The following MLLT3 variants were observed in gnomAD, a reference collection of about 807,000 sequenced individuals.
MLLT3 encodes protein AF-9.
A neutral mutation model predicts 53.2 loss-of-function variants in MLLT3; 4 were observed. The ratio of observed to expected loss-of-function variants is 0.08; its 90% CI spans 0.04 to 0.17. The LOEUF is 0.17. MLLT3 is among the 10% of genes least tolerant of loss of function. MLLT3 has a pLI of 1.00. For synonymous variants in MLLT3, 283 were observed against 230.6 expected (o/e 1.23, Z -2.06); for missense variants, 569 against 684.0 (o/e 0.83, Z 1.87).
At chr9:20,557,770 A>G (rs1218122954) in intron 2 of MLLT3, among the ~76,000 whole-genome samples, 1 of 152,234 alleles carries the variant, frequency 6.6e-6, no homozygotes, top group Non-Finnish European at 1.5e-5. Context: ...ATTAGCGAGT[A>G]ATTCTACCCT....
intron 2 of MLLT3, among the ~76,000 whole-genome samples, chr9:20,608,690 T>C (rs1820629156): frequency 6.6e-6 from 1 of 151,992 alleles, no homozygotes; most frequent in Non-Finnish European, 1.5e-5. Flanking sequence ...AAATGTTTCT[T>C]GGGAAAGACA....
chr9:20,394,605 T>G (rs1586916104), intron 5 of MLLT3, among the ~76,000 whole-genome samples: 1 of 152,140 alleles, frequency 6.6e-6, no homozygotes, highest in Non-Finnish European at 1.5e-5. Flanking sequence ...AGGCAAGAAC[T>G]GATCTACTCA....
rs955292245 is a variant in MLLT3 at position 20,344,882 on chromosome 9, A to T, written c.*1561T>A. On this transcript the variant is annotated 3_prime_UTR_variant, in exon 11 of 11. Coordinates refer to ENST00000380338, the MANE Select transcript of MLLT3 (RefSeq NM_004529.4). ...GAACAAACAAGGGAGATACTGGTCTATTAGCACACATAGAGACTTTCTTAA... is the reference window on the plus strand; with the variant it reads ...GAACAAACAAGGGAGATACTGGTCTTTTAGCACACATAGAGACTTTCTTAA... 9.4e-6 allele frequency: 2 copies of T among 211,926 alleles called. No homozygotes were observed. The highest frequency in any genetic ancestry group is 1.9e-5 in the Non-Finnish European group (2 of 104,642). 13.1% of individuals were successfully genotyped at this position (211,926 alleles called of 1,614,324 possible). A position where few individuals can be genotyped will look rare whatever the true frequency, so the allele number is the denominator to read the frequency against.
At chr9:20,431,192 G>A (rs1455093095) in intron 4 of MLLT3, among the ~76,000 whole-genome samples, 1 of 152,082 alleles carries the variant, frequency 6.6e-6, no homozygotes, top group Non-Finnish European at 1.5e-5. Context: ...TTTATTCATA[G>A]GTATACAATA....
intron 2 of MLLT3, among the ~76,000 whole-genome samples, chr9:20,597,430 T>G (rs1347488368): frequency 6.6e-6 from 1 of 152,196 alleles, no homozygotes; most frequent in Non-Finnish European, 1.5e-5. Flanking sequence ...AGATCATCCT[T>G]GTCCCACAAG....
intron 2 of MLLT3, among the ~76,000 whole-genome samples, chr9:20,610,566 G>A (rs941997247): frequency 2.6e-5 from 4 of 151,992 alleles, no homozygotes; most frequent in African/African-American, 4.8e-5. Flanking sequence ...CCCTTTTTCT[G>A]ACTTGCAATA....
chr9:20,384,780 G>A (rs1252831069), intron 5 of MLLT3, among the ~76,000 whole-genome samples: 1 of 152,060 alleles, frequency 6.6e-6, no homozygotes, highest in Non-Finnish European at 1.5e-5. Flanking sequence ...TCTACAGTCT[G>A]TTTTCTTTGG....
intron 2 of MLLT3, among the ~76,000 whole-genome samples, chr9:20,459,724 T>C (rs762044338): frequency 6.6e-6 from 1 of 152,216 alleles, no homozygotes; most frequent in Non-Finnish European, 1.5e-5. Flanking sequence ...TTTGGATTTT[T>C]TTTTCCCCAC....
intron 2 of MLLT3, among the ~76,000 whole-genome samples, chr9:20,477,807 C>G (rs1030386511): frequency 2.0e-5 from 3 of 152,116 alleles, no homozygotes; most frequent in African/African-American, 4.8e-5. Flanking sequence ...CACTTCTACC[C>G]TAAAATGAGA....
intron 2 of MLLT3, among the ~76,000 whole-genome samples, chr9:20,503,254 A>G (rs562507300): frequency 6.6e-6 from 1 of 152,350 alleles, no homozygotes; most frequent in South Asian, 2.1e-4. Context: ...TCAAGCAAAA[A>G]GAACAAAGCT....
intron 2 of MLLT3, among the ~76,000 whole-genome samples, chr9:20,475,088 T>C (rs1268734579): frequency 1.3e-5 from 2 of 152,078 alleles, no homozygotes; most frequent in African/African-American, 4.8e-5. Context: ...AATGAATGAA[T>C]GAAAAATCCA....
Position 20,371,428 on chromosome 9 carries a change from T to C in MLLT3, c.1126-5684A>G, listed in dbSNP as rs1188707587. ...GTTTCAAAGGATAGGCTGACACTCT[T>C]TTTAGAGGCTAATGCAACTGGTGAA... is the stretch of plus-strand genomic sequence containing the variant. On this transcript the variant is annotated intron_variant, in intron 5 of 10. Transcript: ENST00000380338. 2.6e-5 allele frequency among the ~76,000 whole-genome samples: 4 copies of C among 152,324 alleles called. No individual in the cohort carries two copies. In the East Asian group the frequency reaches 5.8e-4, roughly 22 times the overall value.
chr9:20,522,799 G>C (rs1260919974), intron 2 of MLLT3, among the ~76,000 whole-genome samples: 1 of 152,076 alleles, frequency 6.6e-6, no homozygotes, highest in Non-Finnish European at 1.5e-5. Flanking sequence ...CAGTGCAGTA[G>C]CTAACACCTC....
rs996550074 is a variant in MLLT3, at chr9:20,544,315, T to C, written c.193+76339A>G. Among the ~76,000 whole-genome samples the C allele has an allele frequency of 4.6e-5, 7 of 152,244 alleles. No homozygotes were observed. In the East Asian group the frequency reaches 9.6e-4, roughly 21 times the overall value. Reference sequence around the variant, plus strand: ...AAGCAAAAGTAGACTAATGGGACTATATATACCACGCTCACAAACTTCCAT... The same window carrying C: ...AAGCAAAAGTAGACTAATGGGACTACATATACCACGCTCACAAACTTCCAT... On this transcript the variant is annotated intron_variant, in intron 2 of 10. Transcript: ENST00000380338.
intron 2 of MLLT3, among the ~76,000 whole-genome samples, chr9:20,570,877 C>T (rs1261625082): frequency 6.6e-6 from 1 of 152,130 alleles, no homozygotes; most frequent in Non-Finnish European, 1.5e-5. Context: ...GGGTTAAGAA[C>T]TAAATAGATT....
In MLLT3 at chr9:20,575,898, G is replaced by A. The variant is rs2131168884; in HGVS notation, c.193+44756C>T. Among the ~76,000 whole-genome samples the A allele has an allele frequency of 1.3e-5, 2 of 152,326 alleles. 1 individual carries two copies. Among genetic ancestry groups the A allele is most frequent in the East Asian group, 3.9e-4 (2 of 5,186 alleles). ...GCATTAGCCCTTAACAAGAAAGTAA[G>A]TCTGTCCTTTCAAGCTTCCAAGTCA... On this transcript the variant is annotated intron_variant, in intron 2 of 10. Coordinates refer to ENST00000380338, the MANE Select transcript of MLLT3 (RefSeq NM_004529.4).
At chr9:20,377,713 G>A (rs566357934) in intron 5 of MLLT3, among the ~76,000 whole-genome samples, 4 of 152,126 alleles carry the variant, frequency 2.6e-5, no homozygotes, top group South Asian at 4.1e-4. Context: ...GAATTTTCCC[G>A]ATTAAATGTG....
intron 2 of MLLT3, among the ~76,000 whole-genome samples, chr9:20,599,898 C>T (rs1820374025): frequency 6.6e-6 from 1 of 152,006 alleles, no homozygotes; most frequent in African/African-American, 2.4e-5. Context: ...AAAATTAAAC[C>T]TTCAGTAACT....
Position 20,486,917 on chromosome 9 carries a change from T to C in MLLT3, c.194-30131A>G, listed in dbSNP as rs182173712. ...TTAACAGAAAATTGTGCTAGGGGAA[T>C]CTGGGAGGAAATGAAAACCCACACT... On this transcript the variant is annotated intron_variant, in intron 2 of 10. Coordinates refer to ENST00000380338, the MANE Select transcript of MLLT3 (RefSeq NM_004529.4). Among the ~76,000 whole-genome samples, 4 of 152,226 alleles carry C rather than the reference T, an allele frequency of 2.6e-5. No individual in the cohort carries two copies. The East Asian group carries it at 5.8e-4, about 22-fold the overall frequency.
Sources: gnomAD v4.1 joint callset for allele counts (sites outside exome capture counted in the v4.1 genomes callset) on GRCh38, gnomAD v4.1.1 for gene constraint, MANE v1.5 for transcripts, NCBI Gene and HGNC (gene_info 2026-07-23, HGNC 2026-07-21) for gene names.